MYH14: variants seen among roughly 807,000 people sequenced by gnomAD.
MYH14 encodes the protein myosin heavy chain 14.
MYH14 carries 123 observed loss-of-function variants against 255.5 expected under a neutral mutation model. That is an observed-to-expected ratio of 0.48 (90% CI 0.42 to 0.56). The LOEUF (loss-of-function observed/expected upper bound fraction) is 0.56, where lower values mean the gene tolerates loss of function less well. Ranked by LOEUF, MYH14 falls within the 20% of genes least tolerant of loss-of-function variation. MYH14 has a pLI of 0.00. For missense variants in MYH14, 2,423 were observed against 2,802.3 expected (o/e 0.86, Z 3.06); for synonymous variants, 1,095 against 1,161.2 (o/e 0.94, Z 1.16).
Position 50,293,793 on chromosome 19 carries a change from G to A in MYH14, c.5469+106G>A. 1 of 1,289,820 alleles carries A rather than the reference G, an allele frequency of 7.8e-7. No homozygotes were observed. The highest frequency in any genetic ancestry group is 1.0e-6 in the Non-Finnish European group (1 of 953,354). 79.9% of individuals were successfully genotyped at this position (1,289,820 alleles called of 1,614,324 possible). A position where few individuals can be genotyped will look rare whatever the true frequency, so the allele number is the denominator to read the frequency against. Reference sequence around the variant, plus strand: ...TATAGAAAGGGGATATTTGAGTTGGGTTTTGAAGGTTGAATAGGAGTTCTT... The same window carrying A: ...TATAGAAAGGGGATATTTGAGTTGGATTTTGAAGGTTGAATAGGAGTTCTT... On this transcript the variant is annotated intron_variant, in intron 39 of 42. Transcript: ENST00000642316. The surrounding 1 kb of genome is among the most constrained non-coding windows in gnomAD (Gnocchi z 4.1).
Position 50,293,704 on chromosome 19 carries a change from G to T in MYH14, c.5469+17G>T. 1.3e-6 allele frequency: 2 copies of T among 1,538,068 alleles called. No homozygotes were observed. Among genetic ancestry groups the T allele is most frequent in the Non-Finnish European group, 1.8e-6 (2 of 1,141,312 alleles). ...CTCCTGCAGGTGAGCGTGATTGACC[G>T]CCCCCACCAGCCTCAGTCCCCATTG... On this transcript the variant is annotated intron_variant, in intron 39 of 42. Coordinates refer to ENST00000642316, the MANE Select transcript of MYH14 (RefSeq NM_001145809.2). The surrounding 1 kb of genome is among the most constrained non-coding windows in gnomAD (Gnocchi z 4.1).
Position 50,249,397 on chromosome 19 carries a change from C to CCT in MYH14, c.1483-244_1483-243dup, listed in dbSNP as rs1009825735. 3 of 614,466 alleles carry CCT rather than the reference C, an allele frequency of 4.9e-6. No individual in the cohort carries two copies. The East Asian group carries it at 8.5e-5, about 17-fold the overall frequency. The allele number at this position is 614,466 out of a possible 1,614,324, so 38.1% of individuals were successfully genotyped here. On this transcript the variant is annotated intron_variant, in intron 13 of 42. Transcript: ENST00000642316. ...TCCCCCTCTCTCTCTGGGTCTCTGT[C>CCT]CTCTCTCTCTGCATCTCTGTCCCCT...
chr19:50,217,156 C>A (rs955089538), intron 2 of MYH14, among the ~76,000 whole-genome samples: 29 of 152,170 alleles, frequency 1.9e-4, no homozygotes, highest in African/African-American at 7.0e-4. Context: ...TCACGCAGTC[C>A]TCAACTCACC....
At chr19:50,223,526 A>G (rs2032946229) in intron 5 of MYH14, among the ~76,000 whole-genome samples, 177 bp downstream of exon 5, 1 of 152,326 alleles carries the variant, frequency 6.6e-6, no homozygotes, top group Middle Eastern at 3.4e-3. Context: ...AGGGGGACAC[A>G]GAGGTGTGAG....
At chr19:50,295,986 C>A (rs2036252269) in intron 39 of MYH14, among the ~76,000 whole-genome samples, 1 of 151,558 alleles carries the variant, frequency 6.6e-6, no homozygotes, top group Non-Finnish European at 1.5e-5. Context: ...TGGCGGGCAC[C>A]TGTAGTCCAG....
intron 35 of MYH14, 129 bp from the exon 36 acceptor site, chr19:50,290,758 G>A (rs2036044017): frequency 1.1e-6 from 1 of 927,350 alleles, no homozygotes; most frequent in Admixed American, 2.8e-5. Flanking sequence ...AGTAAAGAGA[G>A]TCAGGGAGTG....
At chr19:50,237,399 C>T (rs1208042168) in intron 10 of MYH14, among the ~76,000 whole-genome samples, 1 of 151,858 alleles carries the variant, frequency 6.6e-6, no homozygotes, top group Non-Finnish European at 1.5e-5. Flanking sequence ...GATCTCGACT[C>T]ACTGCAACTT....
intron 17 of MYH14, among the ~76,000 whole-genome samples, chr19:50,256,103 C>A (rs1355685099): frequency 6.6e-6 from 1 of 151,774 alleles, no homozygotes; most frequent in South Asian, 2.1e-4. Flanking sequence ...CACAGGAAGA[C>A]CCCGTCTCTA....
At chr19:50,206,929 A>G (rs2031789771) in intron 1 of MYH14, among the ~76,000 whole-genome samples, 2 of 151,388 alleles carry the variant, frequency 1.3e-5, no homozygotes. Flanking sequence ...GGATGAGAGT[A>G]GGGGCCGGGC....
chr19:50,280,424 C>G lies in MYH14; in HGVS notation c.4290+41C>G. ...TAAGACCTTCAGGGAGGCACAGCCCCCCTCACTGCTCCTCCTGGGTTCCCC... is the reference window on the plus strand; with the variant it reads ...TAAGACCTTCAGGGAGGCACAGCCCGCCTCACTGCTCCTCCTGGGTTCCCC... On this transcript the variant is annotated intron_variant, in intron 32 of 42. Coordinates refer to ENST00000642316, the MANE Select transcript of MYH14 (RefSeq NM_001145809.2). The surrounding 1 kb of genome is among the most constrained non-coding windows in gnomAD (Gnocchi z 4.8). 3 of 1,482,794 alleles carry G rather than the reference C, an allele frequency of 2.0e-6. No homozygotes were observed. Among genetic ancestry groups the G allele is most frequent in the Non-Finnish European group, 2.7e-6 (3 of 1,110,310 alleles). 91.9% of individuals were successfully genotyped at this position (1,482,794 alleles called of 1,614,324 possible).
At chr19:50,298,480 A>C (rs901579662) in intron 39 of MYH14, among the ~76,000 whole-genome samples, 3 of 152,088 alleles carry the variant, frequency 2.0e-5, no homozygotes, top group Non-Finnish European at 4.4e-5. Context: ...AAATTCACAA[A>C]TAAGGCCAAG....
intron 39 of MYH14, among the ~76,000 whole-genome samples, chr19:50,299,608 A>G (rs896724464): frequency 6.6e-6 from 1 of 151,496 alleles, no homozygotes; most frequent in Non-Finnish European, 1.5e-5. Context: ...TTAAAGGAAT[A>G]AAAGGGATGG....
chr19:50,268,051 C>T, intron 23 of MYH14, 110 bp from the exon 24 acceptor site: 1 of 1,396,100 alleles, frequency 7.2e-7, no homozygotes, highest in Non-Finnish European at 9.6e-7. Flanking sequence ...CCCCTCAGTC[C>T]TGCCCTGGAG....
At chr19:50,262,460 C>T (rs1348332406) in intron 21 of MYH14, among the ~76,000 whole-genome samples, 1 of 151,558 alleles carries the variant, frequency 6.6e-6, no homozygotes, top group African/African-American at 2.4e-5. Flanking sequence ...ATGGCTTGAA[C>T]TCGGGAAGCA....
chr19:50,308,221 T>C (rs1027486705), intron 41 of MYH14: 1 of 152,208 alleles, frequency 6.6e-6, no homozygotes, highest in African/African-American at 2.4e-5. Flanking sequence ...CCTTGAAGAA[T>C]AGAAATACGT....
intron 2 of MYH14, among the ~76,000 whole-genome samples, chr19:50,216,801 C>CTTTTTTTTTTTTTTTTTTTTTTTTTTT (rs200626930): frequency 1.8e-5 from 2 of 112,790 alleles, no homozygotes; most frequent in Admixed American, 9.5e-5. Flanking sequence ...TCCATCCTTT[C>CTTTTTTTTTTTTTTTTTTTTTTTTTTT]TTTTTTTTTT....
In MYH14 at chr19:50,218,699, T is replaced by C. The variant is rs571110955; in HGVS notation, c.562+928T>C. Among the ~76,000 whole-genome samples, 4 of 152,162 alleles carry C rather than the reference T, an allele frequency of 2.6e-5. No individual in the cohort carries two copies. In the South Asian group the frequency reaches 8.3e-4, roughly 32 times the overall value. ...TTGGTGGCGATTTCTGAGATTTTGG[T>C]GCACTTGCCATCGGAGCAGTGTACA... On this transcript the variant is annotated intron_variant, in intron 3 of 42. Coordinates refer to ENST00000642316, the MANE Select transcript of MYH14 (RefSeq NM_001145809.2).
intron 2 of MYH14, among the ~76,000 whole-genome samples, chr19:50,215,670 T>C (rs994280206): frequency 1.3e-5 from 2 of 152,042 alleles, no homozygotes; most frequent in African/African-American, 4.8e-5. Flanking sequence ...ATTTTAAAAA[T>C]TGGCCAAGCA....
intron 40 of MYH14, among the ~76,000 whole-genome samples, chr19:50,304,629 G>C (rs529554597): frequency 1.3e-5 from 2 of 152,138 alleles, no homozygotes; most frequent in South Asian, 4.2e-4. Flanking sequence ...CCCATGTGCT[G>C]GTCACTGAAA....
Sources: gnomAD v4.1 joint callset for allele counts (sites outside exome capture counted in the v4.1 genomes callset) on GRCh38, gnomAD v4.1.1 for gene constraint, Gnocchi (gnomAD v3.1) non-coding constraint, MANE v1.5 for transcripts, NCBI Gene and HGNC (gene_info 2026-07-23, HGNC 2026-07-21) for gene names.